The following ESCO1 variants were observed in gnomAD, a reference collection of about 807,000 sequenced individuals.
ESCO1 encodes establishment of sister chromatid cohesion N-acetyltransferase 1, also known as N-acetyltransferase ESCO1.
In ESCO1, 33 loss-of-function variants were observed where a neutral mutation model predicts 83.5. That is an observed-to-expected ratio of 0.40 (90% CI 0.30 to 0.53). ESCO1 has a LOEUF of 0.53. ESCO1 is among the 20% of genes least tolerant of loss of function. The probability of loss-of-function intolerance (pLI) is 0.63; values close to 1 mark genes in which losing one functional copy is unlikely to be tolerated. For missense variants in ESCO1, 855 were observed against 968.0 expected (o/e 0.88, Z 1.55); for synonymous variants, 332 against 324.3 (o/e 1.02, Z -0.25).
intron 1 of ESCO1, among the ~76,000 whole-genome samples, chr18:21,585,233 T>A (rs2038558626): frequency 6.6e-6 from 1 of 152,042 alleles, no homozygotes; most frequent in South Asian, 2.1e-4. Flanking sequence ...AATCACTACT[T>A]CTTATCCCAC....
At chr18:21,566,906 A>C (rs1346309842) in intron 5 of ESCO1, among the ~76,000 whole-genome samples, 1 of 152,152 alleles carries the variant, frequency 6.6e-6, no homozygotes, top group Non-Finnish European at 1.5e-5. Flanking sequence ...AGAATAATAA[A>C]GGCAATAAGC....
chr18:21,596,238 C>CAA (rs66534114), intron 1 of ESCO1, among the ~76,000 whole-genome samples: 36 of 148,668 alleles, frequency 2.4e-4, no homozygotes, highest in East Asian at 1.2e-3. Context: ...AAAAACAAAA[C>CAA]AAAAAAAAAC....
chr18:21,585,703 C>T (rs2038565773), intron 1 of ESCO1, among the ~76,000 whole-genome samples: 1 of 152,050 alleles, frequency 6.6e-6, no homozygotes, highest in Non-Finnish European at 1.5e-5. Flanking sequence ...AGTGATCATC[C>T]CATCTCAGCC....
intron 7 of ESCO1, among the ~76,000 whole-genome samples, chr18:21,562,483 A>T (rs1280858633): frequency 7.3e-6 from 1 of 136,526 alleles, no homozygotes; most frequent in Admixed American, 7.4e-5. Context: ...AAAAAAAAAA[A>T]TTAACAATTA....
At chr18:21,570,899 C>T (rs1444782420) in intron 4 of ESCO1, among the ~76,000 whole-genome samples, 2 of 151,836 alleles carry the variant, frequency 1.3e-5, no homozygotes, top group Non-Finnish European at 2.9e-5. Flanking sequence ...ATGGCGTGAA[C>T]CCAGGAGGCG....
Position 21,535,991 on chromosome 18 carries a change from T to C in ESCO1, c.2187+51A>G, listed in dbSNP as rs1468189290. The C allele has an allele frequency of 1.9e-6, 3 of 1,592,356 alleles. No homozygotes were observed. The African/African-American group carries it at 4.0e-5, about 21-fold the overall frequency. ...GGATTTATGTTATTTGGGATTACGT[T>C]GTAAACTCATTAAACACCAAATTAC... On this transcript the variant is annotated intron_variant, in intron 10 of 11. Transcript: ENST00000269214.
chr18:21,549,704 C>T (rs532570240), intron 8 of ESCO1, among the ~76,000 whole-genome samples: 1 of 152,304 alleles, frequency 6.6e-6, no homozygotes, highest in Admixed American at 6.5e-5. Context: ...CAGTGGCTCA[C>T]ACCTGTGATC....
At chr18:21,559,795 A>G (rs186027874) in intron 8 of ESCO1, among the ~76,000 whole-genome samples, 24 of 152,326 alleles carry the variant, frequency 1.6e-4, no homozygotes, top group Non-Finnish European at 2.6e-4. Context: ...CACGCACCTT[A>G]TATTTGGTGA....
intron 1 of ESCO1, among the ~76,000 whole-genome samples, chr18:21,590,010 G>A (rs1381537691): frequency 6.6e-6 from 1 of 151,238 alleles, no homozygotes; most frequent in Non-Finnish European, 1.5e-5. Context: ...TGTATTTTTA[G>A]TAGAGACGGG....
intron 6 of ESCO1, 57 bp downstream of exon 6, chr18:21,566,088 TA>T: frequency 6.6e-7 from 1 of 1,526,278 alleles, no homozygotes; most frequent in Non-Finnish European, 9.0e-7. Context: ...AAGAATCCCC[TA>T]AACTCAAAAC....
At chr18:21,554,671 A>G (rs534200410) in intron 8 of ESCO1, among the ~76,000 whole-genome samples, 26 of 152,240 alleles carry the variant, frequency 1.7e-4, no homozygotes, top group Admixed American at 1.6e-3. Context: ...GCACTTTGGG[A>G]GACGGAGGGG....
chr18:21,562,497 G>A (rs1375259101), intron 7 of ESCO1, among the ~76,000 whole-genome samples: 2 of 151,672 alleles, frequency 1.3e-5, no homozygotes, highest in Non-Finnish European at 2.9e-5. Flanking sequence ...ACAATTAGCT[G>A]TGTGTGGTGA....
chr18:21,597,752 T>C (rs189730272), intron 1 of ESCO1, among the ~76,000 whole-genome samples: 162 of 152,280 alleles, frequency 1.1e-3, no homozygotes, highest in Admixed American at 4.3e-3. Context: ...CTCTGAGTTT[T>C]TGTGTGAATC....
chr18:21,551,597 G>A (rs1568097248), intron 8 of ESCO1, among the ~76,000 whole-genome samples: 1 of 152,218 alleles, frequency 6.6e-6, no homozygotes, highest in East Asian at 1.9e-4. Context: ...AGAGGACAAG[G>A]AGAAGAGTCT....
At chr18:21,555,339 C>T (rs2038099706) in intron 8 of ESCO1, among the ~76,000 whole-genome samples, 1 of 152,126 alleles carries the variant, frequency 6.6e-6, no homozygotes, top group Admixed American at 6.5e-5. Context: ...ATGGTGAATA[C>T]ATGTCATTAT....
At chr18:21,572,895 C>T (rs192358460) in intron 4 of ESCO1, among the ~76,000 whole-genome samples, 33 of 150,702 alleles carry the variant, frequency 2.2e-4, no homozygotes, top group Admixed American at 1.9e-3. Flanking sequence ...ACCTGGGAGG[C>T]GGAGGATGCA....
intron 9 of ESCO1, among the ~76,000 whole-genome samples, chr18:21,538,350 A>G (rs1466391560): frequency 2.0e-5 from 3 of 152,042 alleles, no homozygotes; most frequent in Non-Finnish European, 2.9e-5. Flanking sequence ...GCCAGCACCC[A>G]TAACTACTAC....
At chr18:21,535,955 CAA>C in intron 10 of ESCO1, 85 bp downstream of exon 10, 1 of 1,491,430 alleles carries the variant, frequency 6.7e-7, no homozygotes, top group Non-Finnish European at 9.1e-7. Context: ...GAAATGGAGA[CAA>C]ATTTATCAGG....
chr18:21,558,739 A>C (rs914358247), intron 8 of ESCO1, among the ~76,000 whole-genome samples: 1 of 151,974 alleles, frequency 6.6e-6, no homozygotes, highest in Non-Finnish European at 1.5e-5. Context: ...AAAAAAAAAA[A>C]AAAAAAAAAC....
Sources: allele counts gnomAD v4.1 joint callset (sites outside exome capture counted in the v4.1 genomes callset), GRCh38; gene constraint gnomAD v4.1.1; transcripts MANE v1.5; gene names NCBI Gene and HGNC (gene_info 2026-07-23, HGNC 2026-07-21).